The following PDXDC1 variants were observed in gnomAD, a reference collection of about 807,000 sequenced individuals.
PDXDC1 encodes the protein pyridoxal-dependent decarboxylase domain-containing protein 1.
PDXDC1 carries 42 observed loss-of-function variants against 100.1 expected under a neutral mutation model. That is an observed-to-expected ratio of 0.42 (90% CI 0.33 to 0.54). The LOEUF is 0.54. PDXDC1 is among the 20% of genes least tolerant of loss of function. The pLI is 0.10. For synonymous variants in PDXDC1, 260 were observed against 371.7 expected (o/e 0.70, Z 3.46); for missense variants, 636 against 979.2 (o/e 0.65, Z 4.68).
intron 16 of PDXDC1, chr16:15,123,391 A>T (rs1227412498): frequency 9.1e-7 from 1 of 1,103,698 alleles, no homozygotes; most frequent in Non-Finnish European, 1.3e-6. Context: ...TGGTGACAAA[A>T]CATAAAAAAC....
intron 16 of PDXDC1, chr16:15,125,300 C>T: frequency 1.5e-6 from 1 of 664,456 alleles, no homozygotes; most frequent in African/African-American, 1.8e-5. Context: ...CTGGGCGTTC[C>T]CTCGCTGGAG....
At chr16:15,005,981 C>A (rs1413809815) in intron 5 of PDXDC1, among the ~76,000 whole-genome samples, 2 of 152,296 alleles carry the variant, frequency 1.3e-5, no homozygotes, top group Admixed American at 6.5e-5. Context: ...AGCCACCACA[C>A]CCAGCCTCTA....
intron 1 of PDXDC1, among the ~76,000 whole-genome samples, chr16:14,992,059 A>G (rs1197027885): frequency 1.3e-5 from 2 of 152,290 alleles, no homozygotes; most frequent in African/African-American, 4.8e-5. Flanking sequence ...ATTGGAGAGC[A>G]CATTTATACT....
chr16:15,117,487 T>G (rs1348768197), intron 16 of PDXDC1, among the ~76,000 whole-genome samples: 1 of 150,448 alleles, frequency 6.6e-6, no homozygotes, highest in Non-Finnish European at 1.5e-5. Flanking sequence ...TGAAACCCAG[T>G]CTCTACTAAA....
chr16:14,991,763 C>T (rs1399835332), intron 1 of PDXDC1, among the ~76,000 whole-genome samples: 1 of 152,122 alleles, frequency 6.6e-6, no homozygotes. Flanking sequence ...CTCAACTGAT[C>T]CTCCTTCCTT....
the PDXDC1 span, among the ~76,000 whole-genome samples, chr16:15,149,584 G>A: frequency 3.9e-5 from 6 of 152,122 alleles, no homozygotes; most frequent in East Asian, 3.9e-4. Context: ...CGGGGTCTGC[G>A]CCTGCTGTCC....
intron 16 of PDXDC1, among the ~76,000 whole-genome samples, chr16:15,091,147 A>C (rs1222882810): frequency 3.3e-5 from 5 of 152,024 alleles, no homozygotes; most frequent in Non-Finnish European, 5.9e-5. Flanking sequence ...GCCATCACCA[A>C]ATGTCTTCTA....
At chr16:15,027,524 G>A (rs752133835) in intron 14 of PDXDC1, among the ~76,000 whole-genome samples, 9 of 152,404 alleles carry the variant, frequency 5.9e-5, no homozygotes, top group African/African-American at 2.2e-4. Context: ...GGAAGAATGG[G>A]ATCACATGTG....
At chr16:15,104,600 C>T (rs151160356) in intron 16 of PDXDC1, 180,779 of 1,596,346 alleles carry the variant, frequency 0.11, 11,723 homozygotes, top group Non-Finnish European at 0.13. Context: ...GCAGACACTC[C>T]GCAGGTGTCT....
chr16:15,011,631 C>A (rs200285024), intron 8 of PDXDC1, among the ~76,000 whole-genome samples: 1 of 131,276 alleles, frequency 7.6e-6, no homozygotes, highest in African/African-American at 2.8e-5. Context: ...ACATTTTTTT[C>A]TTTTTTTTTT....
chr16:15,127,683 C>T (rs2151907696), intron 16 of PDXDC1: 1 of 1,392,754 alleles, frequency 7.2e-7, no homozygotes, highest in East Asian at 2.5e-5. Context: ...CCTACGGCAC[C>T]CACCTGTAGG....
intron 16 of PDXDC1, among the ~76,000 whole-genome samples, chr16:15,050,992 A>G (rs952782540): frequency 4.6e-5 from 7 of 152,178 alleles, no homozygotes; most frequent in African/African-American, 1.7e-4. Flanking sequence ...AAAACTCAGA[A>G]CACCTGTACA....
intron 1 of PDXDC1, chr16:14,989,580 G>T (rs1307257696): frequency 6.2e-6 from 10 of 1,610,866 alleles, no homozygotes; most frequent in Admixed American, 5.0e-5. Flanking sequence ...GCCCCTGTGC[G>T]CCAGAAAGCC....
chr16:14,978,740 G>C (rs1409880173), intron 1 of PDXDC1, among the ~76,000 whole-genome samples: 1 of 152,296 alleles, frequency 6.6e-6, no homozygotes, highest in Non-Finnish European at 1.5e-5. Flanking sequence ...ACCTTTTTCT[G>C]TTGGTTAAAA....
At chr16:15,017,680 G>A (rs1328392879) in intron 11 of PDXDC1, among the ~76,000 whole-genome samples, 5 of 152,254 alleles carry the variant, frequency 3.3e-5, no homozygotes, top group African/African-American at 9.6e-5. Flanking sequence ...TAATGAAGCA[G>A]TGAACGTCTT....
chr16:15,035,879 C>G (rs1211891990), intron 22 of PDXDC1, 137 bp from the exon 23 acceptor site: 2 of 954,922 alleles, frequency 2.1e-6, no homozygotes, highest in Admixed American at 2.3e-5. Context: ...TTCTCATCTC[C>G]TAAAACACCT....
chr16:15,100,206 G>A (rs1420798216), intron 16 of PDXDC1, among the ~76,000 whole-genome samples: 1 of 152,100 alleles, frequency 6.6e-6, no homozygotes. Context: ...GGATCCACAC[G>A]AAAAATTTCT....
chr16:15,075,711 T>C (rs1313443675), intron 16 of PDXDC1, among the ~76,000 whole-genome samples: 8 of 152,286 alleles, frequency 5.3e-5, no homozygotes, highest in South Asian at 4.1e-4. Flanking sequence ...CTGATTCTCA[T>C]TGAGAAGACC....
intron 16 of PDXDC1, chr16:15,061,057 T>C (rs2044692858): frequency 6.6e-6 from 1 of 152,236 alleles, no homozygotes; most frequent in African/African-American, 2.4e-5. Context: ...GTGCCAAGTA[T>C]ATTACACATC....
Sources: allele counts gnomAD v4.1 joint callset (sites outside exome capture counted in the v4.1 genomes callset), GRCh38; gene constraint gnomAD v4.1.1; transcripts MANE v1.5; gene names NCBI Gene and HGNC (gene_info 2026-07-23, HGNC 2026-07-21).